Variants in CASR observed in about 807,000 individuals in gnomAD.
CASR encodes extracellular calcium-sensing receptor.
A neutral mutation model predicts 69.1 loss-of-function variants in CASR; 23 were observed. The ratio of observed to expected loss-of-function variants is 0.33; its 90% CI spans 0.24 to 0.47. The LOEUF (loss-of-function observed/expected upper bound fraction) is 0.47, where lower values mean the gene tolerates loss of function less well. CASR is among the 20% of genes least tolerant of loss of function. CASR has a pLI of 1.00. For missense variants in CASR, 924 were observed against 1,356.1 expected (o/e 0.68, Z 5.00); for synonymous variants, 541 against 544.7 (o/e 0.99, Z 0.10).
At chr3:122,282,526 G>GACACAGTT (rs1576876202) in intron 6 of CASR, among the ~76,000 whole-genome samples, 1 of 152,172 alleles carries the variant, frequency 6.6e-6, no homozygotes, top group East Asian at 1.9e-4. Context: ...GCCCTGCATG[G>GACACAGTT]ACACAGTTAT....
rs1559968833 is a variant in CASR, at chr3:122,284,195, C to A, written c.2241C>A (p.Pro747=). ...VICVIWLYTA[P]PSSYRNQELE... ...GTGTGATCTGGCTCTACACCGCGCC[C>A]CCGTCAAGCTACCGCAACCAGGAGC... is the stretch of plus-strand genomic sequence containing the variant. Residue 747 remains proline (P), a synonymous_variant, in exon 7 of 7, where the codon CCC becomes CCA. Transcript: ENST00000639785. The A allele has an allele frequency of 6.2e-7, 1 of 1,614,032 alleles. No individual in the cohort carries two copies. Among genetic ancestry groups the A allele is most frequent in the Non-Finnish European group, 8.5e-7 (1 of 1,180,018 alleles).
intron 1 of CASR, among the ~76,000 whole-genome samples, chr3:122,243,656 A>G (rs2074399807): frequency 6.6e-6 from 1 of 152,172 alleles, no homozygotes. Context: ...CATACAATCC[A>G]GTAATCCCAC....
chr3:122,198,550 T>C (rs1035961274), intron 1 of CASR, among the ~76,000 whole-genome samples: 4 of 152,130 alleles, frequency 2.6e-5, no homozygotes, highest in Non-Finnish European at 4.4e-5. Flanking sequence ...AAATAAGGTC[T>C]CTTGGTGATG....
chr3:122,285,346 A>C lies in CASR; in HGVS notation c.*155A>C. ...AGTCACACCATCTTAAATGACAGTG[A>C]ATTGACCCATGTTCCCTTTAAAATT... On this transcript the variant is annotated 3_prime_UTR_variant, in exon 7 of 7. Transcript: ENST00000639785. 1 of 681,256 alleles carries C rather than the reference A, an allele frequency of 1.5e-6. No individual in the cohort carries two copies. Among genetic ancestry groups the C allele is most frequent in the Non-Finnish European group, 2.6e-6 (1 of 385,350 alleles). The allele number at this position is 681,256 out of a possible 1,614,324, so 42.2% of individuals were successfully genotyped here.
At chr3:122,272,206 C>T (rs1309877522) in intron 4 of CASR, among the ~76,000 whole-genome samples, 7 of 152,080 alleles carry the variant, frequency 4.6e-5, no homozygotes, top group Admixed American at 2.0e-4. Flanking sequence ...AATGTGGCTG[C>T]ACCAGTTTAC....
intron 1 of CASR, among the ~76,000 whole-genome samples, chr3:122,194,038 G>A (rs2073864112): frequency 6.6e-6 from 1 of 152,108 alleles, no homozygotes; most frequent in Non-Finnish European, 1.5e-5. Context: ...AGCCTAAGCT[G>A]TTTTCATTTT....
chr3:122,229,931 T>G (rs1445344594), intron 1 of CASR, among the ~76,000 whole-genome samples: 1 of 152,186 alleles, frequency 6.6e-6, no homozygotes, highest in Non-Finnish European at 1.5e-5. Context: ...AATGAGAGAC[T>G]GTACATTTCT....
chr3:122,249,860 CA>C, intron 1 of CASR, among the ~76,000 whole-genome samples: 1 of 152,174 alleles, frequency 6.6e-6, no homozygotes, highest in South Asian at 2.1e-4. Flanking sequence ...TGGTTTAAAC[CA>C]GCCAGAAGCC....
rs993785945 is a variant in CASR, at chr3:122,289,268, T to C, written c.*4077T>C. ...CTGAGTGGTCATTTTAGGAGTCCAC[T>C]GGAGACAAGAATACTCCCAAAGGTG... On this transcript the variant is annotated 3_prime_UTR_variant, in exon 7 of 7. Transcript: ENST00000639785. 2 of 152,186 alleles carry C rather than the reference T, an allele frequency of 1.3e-5. No homozygotes were observed. The highest frequency in any genetic ancestry group is 2.9e-5 in the Non-Finnish European group (2 of 68,042). The allele number at this position is 152,186 out of a possible 1,614,324, so 9.4% of individuals were successfully genotyped here.
At chr3:122,258,895 A>G (rs941329492) in intron 3 of CASR, among the ~76,000 whole-genome samples, 1 of 151,962 alleles carries the variant, frequency 6.6e-6, no homozygotes, top group African/African-American at 2.4e-5. Context: ...AACACTCTGG[A>G]AGTGATTCTA....
At chr3:122,200,904 G>A (rs111909126) in intron 1 of CASR, among the ~76,000 whole-genome samples, 1 of 151,444 alleles carries the variant, frequency 6.6e-6, no homozygotes, top group East Asian at 1.9e-4. Context: ...GTTTCAATTC[G>A]ATTACCAATG....
Position 122,261,761 on chromosome 3 carries a change from C to T in CASR, c.726C>T (p.Leu242=), listed in dbSNP as rs1433483919. ...ATATCTGCATCGACTTCAGTGAACT[C>T]ATCTCCCAGTACTCTGATGAGGAAG... The part of the protein sequence containing the change: ...ERDICIDFSE[L]ISQYSDEEEI... The change falls in exon 4 of 7, where the codon CTC becomes CTT. Residue 242 remains leucine (L), a synonymous_variant. Transcript: ENST00000639785. 6.2e-7 allele frequency: 1 copy of T among 1,614,202 alleles called. No individual in the cohort carries two copies. Among genetic ancestry groups the T allele is most frequent in the Non-Finnish European group, 8.5e-7 (1 of 1,180,004 alleles).
At chr3:122,198,268 A>G (rs1179524501) in intron 1 of CASR, among the ~76,000 whole-genome samples, 1 of 152,250 alleles carries the variant, frequency 6.6e-6, no homozygotes, top group Admixed American at 6.5e-5. Flanking sequence ...CAAATGTTAA[A>G]TAAGTACTTG....
intron 1 of CASR, among the ~76,000 whole-genome samples, chr3:122,213,378 C>CTAAG (rs2074086959): frequency 6.6e-6 from 1 of 152,186 alleles, no homozygotes; most frequent in Non-Finnish European, 1.5e-5. Context: ...CAGGAAAACA[C>CTAAG]TAAGACCTCT....
chr3:122,240,280 A>G (rs1559949498), intron 1 of CASR, among the ~76,000 whole-genome samples: 1 of 152,234 alleles, frequency 6.6e-6, no homozygotes, highest in East Asian at 1.9e-4. Flanking sequence ...TCTGTTGCCT[A>G]TAAGAAACAC....
rs752953216 is a variant in CASR, at chr3:122,284,351, G to A, written c.2397G>A (p.Glu799=). The change falls in exon 7 of 7, where the codon GAG becomes GAA. Residue 799 remains glutamate (E), a synonymous_variant. Coordinates refer to ENST00000639785, the MANE Select transcript of CASR (RefSeq NM_000388.4). ...FFAFKSRKLP[E]NFNEAKFITF... is the part of the protein sequence containing the mutation. ...CCTTCAAGTCCCGGAAGCTGCCGGAGAACTTCAATGAAGCCAAGTTCATCA... is the reference window on the plus strand; with the variant it reads ...CCTTCAAGTCCCGGAAGCTGCCGGAAAACTTCAATGAAGCCAAGTTCATCA... 2 of 1,614,080 alleles carry A rather than the reference G, an allele frequency of 1.2e-6. No individual in the cohort carries two copies. Among genetic ancestry groups the A allele is most frequent in the Admixed American group, 1.7e-5 (1 of 60,030 alleles).
intron 1 of CASR, among the ~76,000 whole-genome samples, chr3:122,198,300 A>T (rs1489920956): frequency 6.6e-6 from 1 of 152,232 alleles, no homozygotes; most frequent in African/African-American, 2.4e-5. Context: ...TTGAAATGTT[A>T]TTTGTAGTAG....
At chr3:122,199,036 T>C (rs1344989570) in intron 1 of CASR, among the ~76,000 whole-genome samples, 2 of 152,240 alleles carry the variant, frequency 1.3e-5, no homozygotes, top group Non-Finnish European at 2.9e-5. Flanking sequence ...GATATTTACA[T>C]ATTCAGTTCA....
chr3:122,268,147 C>G (rs1292002091), intron 4 of CASR, among the ~76,000 whole-genome samples: 1 of 152,194 alleles, frequency 6.6e-6, no homozygotes, highest in Non-Finnish European at 1.5e-5. Context: ...TTGTGCCTCA[C>G]TTTTCTCTCT....
Sources: gnomAD v4.1 joint callset for allele counts (sites outside exome capture counted in the v4.1 genomes callset) on GRCh38, gnomAD v4.1.1 for gene constraint, MANE v1.5 for transcripts, NCBI Gene and HGNC (gene_info 2026-07-23, HGNC 2026-07-21) for gene names.